SYTL2: variants seen among roughly 807,000 people sequenced by gnomAD.
The protein encoded by SYTL2 is synaptotagmin like 2.
A neutral mutation model predicts 198.7 loss-of-function variants in SYTL2; 165 were observed. That is an observed-to-expected ratio of 0.83 (90% CI 0.73 to 0.94). SYTL2 has a LOEUF of 0.94. SYTL2 is among the 40% of genes least tolerant of loss of function. SYTL2 has a pLI of 0.00. For missense variants in SYTL2, 2,835 were observed against 2,582.8 expected, an observed-to-expected ratio of 1.10 and a Z score of -2.12; for synonymous variants, 966 against 917.7, an observed-to-expected ratio of 1.05 and a Z score of -0.95.
intron 14 of SYTL2, 131 bp downstream of exon 14, chr11:85,709,200 C>T (rs2085800039): frequency 2.4e-6 from 2 of 839,274 alleles, no homozygotes; most frequent in South Asian, 1.7e-5. Context: ...AACAGCATTT[C>T]CCCCCAACTT....
At chr11:85,706,755 C>T (rs922242698) in intron 15 of SYTL2, among the ~76,000 whole-genome samples, 2 of 152,166 alleles carry the variant, frequency 1.3e-5, no homozygotes, top group African/African-American at 4.8e-5. Flanking sequence ...AGAAAAATAG[C>T]ATAATCAGAA....
At chr11:85,805,629 G>A (rs2092949126) in intron 1 of SYTL2, among the ~76,000 whole-genome samples, 1 of 152,308 alleles carries the variant, frequency 6.6e-6, no homozygotes, top group Middle Eastern at 3.4e-3. Flanking sequence ...AGGGATGGCA[G>A]CACAAAACAC....
At chr11:85,806,937 G>C (rs1490754150) in intron 1 of SYTL2, among the ~76,000 whole-genome samples, 1 of 152,238 alleles carries the variant, frequency 6.6e-6, no homozygotes, top group East Asian at 1.9e-4. Context: ...CAAGCCACCT[G>C]CCTCCCAGTG....
chr11:85,700,622 G>T, intron 16 of SYTL2, 29 bp from the exon 17 acceptor site: 1 of 1,569,338 alleles, frequency 6.4e-7, no homozygotes, highest in Non-Finnish European at 8.8e-7. Flanking sequence ...TCAGCAGGTG[G>T]GAGACAAACT....
rs369518401 is a variant in SYTL2 at position 85,735,581 on chromosome 11, A to T, written c.587-839T>A. Among the ~76,000 whole-genome samples the T allele has an allele frequency of 1.2e-4, 19 of 152,194 alleles. 1 individual carries two copies. In the South Asian group the frequency reaches 2.3e-3, roughly 18 times the overall value. ...AGACCAGCCTGGCCAAAAGGGTGAA[A>T]CCTCATTTCTACTAAAAATACAAAA... is the stretch of plus-strand genomic sequence containing the variant. On this transcript the variant is annotated intron_variant, in intron 6 of 19. Transcript: ENST00000359152.
chr11:85,806,464 C>A (rs2153659216), intron 1 of SYTL2, among the ~76,000 whole-genome samples: 1 of 152,338 alleles, frequency 6.6e-6, no homozygotes, highest in Non-Finnish European at 1.5e-5. Flanking sequence ...GCTTTATTAC[C>A]ATTTTTTAAA....
At chr11:85,814,252 G>T (rs1566053383), upstream of SYTL2, among the ~76,000 whole-genome samples, 1 of 152,170 alleles carries the variant, frequency 6.6e-6, no homozygotes, top group Non-Finnish European at 1.5e-5. Context: ...ACCCCTTCCA[G>T]ATGACCTAAC....
upstream of SYTL2, among the ~76,000 whole-genome samples, chr11:85,814,512 T>G (rs147425064): frequency 6.6e-6 from 1 of 152,186 alleles, no homozygotes; most frequent in Non-Finnish European, 1.5e-5. Context: ...CTTATTTAAG[T>G]TGAGAACCCC....
intron 1 of SYTL2, among the ~76,000 whole-genome samples, chr11:85,767,645 A>C (rs2092269855): frequency 6.6e-6 from 1 of 152,146 alleles, no homozygotes; most frequent in South Asian, 2.1e-4. Flanking sequence ...ACTCTCCCCA[A>C]ATGTACCAAC....
chr11:85,709,366 T>G lies in SYTL2; in HGVS notation c.5880A>C (p.Leu1960Phe). 1 of 1,614,178 alleles carries G rather than the reference T, an allele frequency of 6.2e-7. No individual in the cohort carries two copies. Among genetic ancestry groups the G allele is most frequent in the South Asian group, 1.1e-5 (1 of 91,082 alleles). The part of the protein sequence containing the change: ...LHVFVAQCKD[L>F]AAADVKKQRS... ...GCTGTTTTTTTACATCCGCTGCTGC[T>G]AAGTCCTTACACTGGGCCACAAAAA... The change falls in exon 14 of 20, where the codon TTA (leucine) becomes TTC (phenylalanine). Residue 1960 changes from leucine (L) to phenylalanine (F), a missense_variant. Coordinates refer to ENST00000359152, the MANE Select transcript of SYTL2 (RefSeq NM_206927.4).
intron 4 of SYTL2, among the ~76,000 whole-genome samples, chr11:85,740,457 A>G (rs1402895004): frequency 6.6e-6 from 1 of 152,206 alleles, no homozygotes; most frequent in Non-Finnish European, 1.5e-5. Context: ...ACTTTGGATT[A>G]GGAATTTCCT....
At chr11:85,756,972 G>C (rs75772741) in intron 2 of SYTL2, among the ~76,000 whole-genome samples, 3,963 of 152,312 alleles carry the variant, frequency 0.026, 193 homozygotes, top group African/African-American at 0.091. Flanking sequence ...GGCAGGGCCT[G>C]GACAAAGTCA....
At chr11:85,756,662 C>T (rs907411383) in intron 2 of SYTL2, among the ~76,000 whole-genome samples, 8 of 152,152 alleles carry the variant, frequency 5.3e-5, no homozygotes, top group African/African-American at 1.9e-4. Flanking sequence ...AAGCCCTTTG[C>T]AACTTGTTAA....
At chr11:85,835,949 C>T in the SYTL2 span, among the ~76,000 whole-genome samples, 2 of 152,254 alleles carry the variant, frequency 1.3e-5, no homozygotes, top group Admixed American at 1.3e-4. Context: ...CAGCCTCTTG[C>T]TATAAATTCA....
chr11:85,715,408 T>C (rs1185986852), intron 11 of SYTL2, among the ~76,000 whole-genome samples: 1 of 152,132 alleles, frequency 6.6e-6, no homozygotes, highest in Non-Finnish European at 1.5e-5. Flanking sequence ...TTTTCTAATC[T>C]AATAAATATC....
intron 1 of SYTL2, among the ~76,000 whole-genome samples, chr11:85,793,436 A>G (rs2092760194): frequency 6.6e-6 from 1 of 152,244 alleles, no homozygotes; most frequent in Non-Finnish European, 1.5e-5. Flanking sequence ...CAAAATACAA[A>G]TACCTTTAAG....
the SYTL2 span, among the ~76,000 whole-genome samples, chr11:85,818,656 A>ACTATCTATCTATCTAT: frequency 0.017 from 2,540 of 149,050 alleles, 21 homozygotes; most frequent in African/African-American, 0.027. Context: ...TGTATAAATT[A>ACTATCTATCTATCTAT]CTATCTATCT....
At chr11:85,745,577 T>A in intron 4 of SYTL2, 60 bp downstream of exon 4, 1 of 1,570,830 alleles carries the variant, frequency 6.4e-7, no homozygotes, top group Non-Finnish European at 8.7e-7. Flanking sequence ...ATTCTGCCCA[T>A]GTGACACCCC....
intron 1 of SYTL2, among the ~76,000 whole-genome samples, chr11:85,795,546 C>T (rs1188779406): frequency 6.6e-6 from 1 of 151,834 alleles, no homozygotes; most frequent in Non-Finnish European, 1.5e-5. Flanking sequence ...AGCCCAAGGC[C>T]GTGTTTTTTG....
Sources: allele counts gnomAD v4.1 joint callset (sites outside exome capture counted in the v4.1 genomes callset), GRCh38; gene constraint gnomAD v4.1.1; transcripts MANE v1.5; gene names NCBI Gene and HGNC (gene_info 2026-07-23, HGNC 2026-07-21).